Variants in ADGRB3 observed in about 807,000 individuals in gnomAD.
ADGRB3 encodes brain-specific angiogenesis inhibitor 3.
ADGRB3 carries 37 observed loss-of-function variants against 193.4 expected under a neutral mutation model. That is an observed-to-expected ratio of 0.19 (90% CI 0.15 to 0.25). The LOEUF (loss-of-function observed/expected upper bound fraction) is 0.25. Ranked by LOEUF, ADGRB3 falls within the 10% of genes least tolerant of loss-of-function variation. The pLI, the probability that ADGRB3 is intolerant of heterozygous loss-of-function variation, is 1.00. For synonymous variants in ADGRB3, 690 were observed against 644.2 expected, an observed-to-expected ratio of 1.07 and a Z score of -1.08; for missense variants, 1,637 against 1,852.9, an observed-to-expected ratio of 0.88 and a Z score of 2.14.
At chr6:69,342,866 A>G (rs1369891962) in intron 26 of ADGRB3, among the ~76,000 whole-genome samples, 1 of 152,070 alleles carries the variant, frequency 6.6e-6, no homozygotes, top group East Asian at 1.9e-4. Context: ...TTCTTAAAAT[A>G]TATAAGCAAT....
chr6:68,687,009 G>T (rs1271862028), intron 3 of ADGRB3, among the ~76,000 whole-genome samples: 1 of 152,000 alleles, frequency 6.6e-6, no homozygotes, highest in Non-Finnish European at 1.5e-5. Flanking sequence ...GTGACTTTAA[G>T]TAGTTTTGGG....
intron 17 of ADGRB3, among the ~76,000 whole-genome samples, chr6:69,079,595 G>T (rs1772329557): frequency 6.6e-6 from 1 of 152,006 alleles, no homozygotes; most frequent in African/African-American, 2.4e-5. Flanking sequence ...GCAAGGGAAA[G>T]AAATAAAGGG....
intron 17 of ADGRB3, among the ~76,000 whole-genome samples, chr6:69,144,801 T>G (rs1774434441): frequency 1.3e-5 from 2 of 152,202 alleles, no homozygotes; most frequent in South Asian, 4.1e-4. Context: ...GTTGTTGAAT[T>G]CAATTTGCTA....
At chr6:69,165,464 A>G (rs144562787) in intron 17 of ADGRB3, among the ~76,000 whole-genome samples, 226 of 151,796 alleles carry the variant, frequency 1.5e-3, no homozygotes, top group African/African-American at 5.0e-3. Context: ...CCACAAACAC[A>G]CCATGCTCTT....
intron 13 of ADGRB3, among the ~76,000 whole-genome samples, chr6:69,042,538 G>T (rs1364624819): frequency 1.3e-5 from 2 of 152,186 alleles, no homozygotes; most frequent in Non-Finnish European, 2.9e-5. Flanking sequence ...AATTGTTAAT[G>T]CCAAGGGGGT....
chr6:69,273,147 C>T (rs911230617), intron 20 of ADGRB3, among the ~76,000 whole-genome samples: 5 of 152,130 alleles, frequency 3.3e-5, no homozygotes, highest in Non-Finnish European at 4.4e-5. Context: ...GTGATCCGCC[C>T]GCCTTGGCCT....
At chr6:68,854,374 A>C (rs1481345871) in intron 3 of ADGRB3, among the ~76,000 whole-genome samples, 1 of 152,196 alleles carries the variant, frequency 6.6e-6, no homozygotes, top group Non-Finnish European at 1.5e-5. Flanking sequence ...AGAAATGCTA[A>C]GAAGGTGGAT....
intron 3 of ADGRB3, among the ~76,000 whole-genome samples, chr6:68,893,136 CA>C (rs1229070187): frequency 6.6e-6 from 1 of 151,928 alleles, no homozygotes; most frequent in Non-Finnish European, 1.5e-5. Context: ...AAAACAAAAT[CA>C]AACAAAACTC....
At chr6:68,936,444 T>A in intron 4 of ADGRB3, 75 bp from the exon 5 acceptor site, 1 of 1,384,582 alleles carries the variant, frequency 7.2e-7, no homozygotes, top group East Asian at 2.4e-5. Context: ...CATGTCATAA[T>A]GTCAGTTTGG....
At chr6:69,246,460 T>G (rs1363816731) in intron 20 of ADGRB3, among the ~76,000 whole-genome samples, 1 of 152,136 alleles carries the variant, frequency 6.6e-6, no homozygotes, top group African/African-American at 2.4e-5. Flanking sequence ...CCAAGGAGCA[T>G]AATGGTTGGC....
At chr6:69,333,034 A>G in intron 24 of ADGRB3, 26 bp downstream of exon 24, 3 of 1,607,468 alleles carry the variant, frequency 1.9e-6, no homozygotes, top group East Asian at 2.2e-5. Context: ...TGGATTTTGA[A>G]GGTTATTTAT....
At chr6:69,342,306 A>G in intron 26 of ADGRB3, among the ~76,000 whole-genome samples, 1 of 152,130 alleles carries the variant, frequency 6.6e-6, no homozygotes, top group Non-Finnish European at 1.5e-5. Context: ...GAGTGTCATA[A>G]CACTCTTTAG....
intron 3 of ADGRB3, among the ~76,000 whole-genome samples, chr6:68,797,926 C>T (rs1475904519): frequency 6.6e-6 from 1 of 152,108 alleles, no homozygotes; most frequent in East Asian, 1.9e-4. Context: ...CAGTTTGACT[C>T]GTTCTAACTA....
chr6:68,989,306 T>A (rs2150272906), intron 10 of ADGRB3, among the ~76,000 whole-genome samples: 1 of 152,216 alleles, frequency 6.6e-6, no homozygotes, highest in Admixed American at 6.5e-5. Context: ...AACAGTTAAA[T>A]AATTAAAGAA....
At chr6:69,017,174 T>C (rs919020444) in intron 12 of ADGRB3, among the ~76,000 whole-genome samples, 2 of 151,936 alleles carry the variant, frequency 1.3e-5, no homozygotes, top group Non-Finnish European at 2.9e-5. Context: ...TGAGTAAATA[T>C]ACTGTAGATA....
At chr6:68,672,822 T>G (rs1387447342) in intron 3 of ADGRB3, among the ~76,000 whole-genome samples, 1 of 152,086 alleles carries the variant, frequency 6.6e-6, no homozygotes, top group Non-Finnish European at 1.5e-5. Flanking sequence ...CTCCATAATA[T>G]GGGTAGGCAT....
Position 69,176,855 on chromosome 6 carries a change from A to G in ADGRB3, c.2481-56435A>G, listed in dbSNP as rs374862204. Among the ~76,000 whole-genome samples, 9 of 152,328 alleles carry G rather than the reference A, an allele frequency of 5.9e-5. No homozygotes were observed. The East Asian group carries it at 7.7e-4, about 13-fold the overall frequency. On this transcript the variant is annotated intron_variant, in intron 17 of 31. Transcript: ENST00000370598. ...TTTCAATTTCTTCCCAATTCAATCT[A>G]GGGACATTGTATGCTTCTAGGAATT...
At chr6:68,661,321 G>GTATA (rs1374248828) in intron 3 of ADGRB3, among the ~76,000 whole-genome samples, 4 of 116,192 alleles carry the variant, frequency 3.4e-5, no homozygotes, top group Admixed American at 1.8e-4. Context: ...GTGTGTGTGT[G>GTATA]TGTGTATATA....
chr6:68,888,521 G>A (rs2150227991), intron 3 of ADGRB3, among the ~76,000 whole-genome samples: 1 of 144,208 alleles, frequency 6.9e-6, no homozygotes, highest in Admixed American at 7.0e-5. Context: ...AGCATTTTCA[G>A]TTCCTTTTTT....
Sources: allele counts gnomAD v4.1 joint callset (sites outside exome capture counted in the v4.1 genomes callset), GRCh38; gene constraint gnomAD v4.1.1; transcripts MANE v1.5; gene names NCBI Gene and HGNC (gene_info 2026-07-23, HGNC 2026-07-21).